UBASH3A: variants seen among roughly 807,000 people sequenced by gnomAD.
UBASH3A encodes ubiquitin-associated and SH3 domain-containing protein A.
Under a neutral mutation model 73.5 loss-of-function variants are expected in UBASH3A, and 63 were observed. That is an observed-to-expected ratio of 0.86 (90% CI 0.70 to 1.06). UBASH3A has a LOEUF of 1.06. Ranked by LOEUF, UBASH3A falls within the 50% of genes least tolerant of loss-of-function variation. The pLI is 0.00. For missense variants in UBASH3A, 860 were observed against 859.0 expected, an observed-to-expected ratio of 1.00 and a Z score of -0.02; for synonymous variants, 363 against 351.1, an observed-to-expected ratio of 1.03 and a Z score of -0.38.
At position 42,413,254 on chromosome 21, in the gene UBASH3A, G is replaced by A; in HGVS notation, c.553+32G>A. On this transcript the variant is annotated intron_variant, in intron 4 of 14. Coordinates refer to ENST00000319294, the MANE Select transcript of UBASH3A (RefSeq NM_018961.4). The surrounding 1 kb of genome is among the most constrained non-coding windows in gnomAD (Gnocchi z 4.5). ...AGCCCTGGCCAGTTGCAAACACAGG[G>A]CTGGATTCACAGTGAGTGAGCCCTC... 4 of 1,612,282 alleles carry A rather than the reference G, an allele frequency of 2.5e-6. No homozygotes were observed. The highest frequency in any genetic ancestry group is 3.4e-6 in the Non-Finnish European group (4 of 1,178,540).
chr21:42,427,239 C>A (rs925040738), intron 8 of UBASH3A, among the ~76,000 whole-genome samples: 1 of 152,214 alleles, frequency 6.6e-6, no homozygotes, highest in Non-Finnish European at 1.5e-5. Flanking sequence ...GCACCCCGAG[C>A]TGGCCACCCT....
In UBASH3A at chr21:42,432,275, C is replaced by A; in HGVS notation, c.1270+73C>A. 7.0e-6 allele frequency: 7 copies of A among 994,176 alleles called. No individual in the cohort carries two copies. In the South Asian group the frequency reaches 9.9e-5, roughly 14 times the overall value. The allele number at this position is 994,176 out of a possible 1,614,324, so 61.6% of individuals were successfully genotyped here. A position where few individuals can be genotyped will look rare whatever the true frequency, so the allele number is the denominator to read the frequency against. Reference sequence around the variant, plus strand: ...ACCAATGAGATCTCCTTCTTAATGACCTTACATGGCACCAGATCCCCTGAG... The same window carrying A: ...ACCAATGAGATCTCCTTCTTAATGAACTTACATGGCACCAGATCCCCTGAG... On this transcript the variant is annotated intron_variant, in intron 9 of 14. Transcript: ENST00000319294.
At chr21:42,440,538 C>T (rs1414395448) in intron 11 of UBASH3A, among the ~76,000 whole-genome samples, 2 of 152,200 alleles carry the variant, frequency 1.3e-5, no homozygotes, top group African/African-American at 4.8e-5. Flanking sequence ...GTCTTTGCAC[C>T]CCACCACTCA....
chr21:42,411,937 C>T (rs546656524), intron 3 of UBASH3A, among the ~76,000 whole-genome samples: 1 of 152,292 alleles, frequency 6.6e-6, no homozygotes, highest in Non-Finnish European at 1.5e-5. Context: ...GAATGTCAGG[C>T]CGGCCTGTCC....
intron 7 of UBASH3A, among the ~76,000 whole-genome samples, chr21:42,419,822 C>T (rs183686194): frequency 3.9e-5 from 6 of 152,296 alleles, no homozygotes; most frequent in East Asian, 1.9e-4. Context: ...CAACATTCAA[C>T]GAATTACATG....
intron 3 of UBASH3A, chr21:42,410,574 GA>G (rs2053070424): frequency 1.4e-5 from 4 of 280,908 alleles, no homozygotes; most frequent in Non-Finnish European, 2.0e-5. Flanking sequence ...CAGAGCACAA[GA>G]CTAAACCTGG....
chr21:42,404,987 C>T (rs1051198936), intron 1 of UBASH3A, among the ~76,000 whole-genome samples: 31 of 152,100 alleles, frequency 2.0e-4, no homozygotes, highest in African/African-American at 7.0e-4. Context: ...GTATCAGAAA[C>T]ACACTTTAAA....
intron 11 of UBASH3A, among the ~76,000 whole-genome samples, chr21:42,438,162 C>T (rs1332791482): frequency 1.3e-5 from 2 of 152,200 alleles, no homozygotes; most frequent in Admixed American, 1.3e-4. Context: ...GGGATAAGAT[C>T]TCGGTCCCCA....
At position 42,441,898 on chromosome 21, in the gene UBASH3A, A is replaced by G. The variant is rs2053752734; in HGVS notation, c.1487-554A>G. Among the ~76,000 whole-genome samples, 3 of 152,190 alleles carry G rather than the reference A, an allele frequency of 2.0e-5. No homozygotes were observed. The South Asian group carries it at 6.2e-4, about 32-fold the overall frequency. Reference sequence around the variant, plus strand: ...ACTCAAAAAGAGATGGCCTTACTTTATGGCTCTTCCTTTAATCAAAATATA... The same window carrying G: ...ACTCAAAAAGAGATGGCCTTACTTTGTGGCTCTTCCTTTAATCAAAATATA... On this transcript the variant is annotated intron_variant, in intron 11 of 14. Transcript: ENST00000319294.
chr21:42,414,096 T>C (rs2053154970), intron 5 of UBASH3A, among the ~76,000 whole-genome samples: 1 of 152,202 alleles, frequency 6.6e-6, no homozygotes, highest in South Asian at 2.1e-4. Flanking sequence ...CATCCTGCCA[T>C]AGTTCCCGGG....
chr21:42,432,697 C>G (rs2053556883), intron 9 of UBASH3A, among the ~76,000 whole-genome samples: 1 of 152,194 alleles, frequency 6.6e-6, no homozygotes, highest in African/African-American at 2.4e-5. Flanking sequence ...TTCACAGTTG[C>G]TAGGTTAGCC....
rs746415775 is a variant in UBASH3A at position 42,413,501 on chromosome 21, G to A, written c.645G>A (p.Val215=). 53 of 1,613,846 alleles carry A rather than the reference G, an allele frequency of 3.3e-5. No homozygotes were observed. The highest frequency in any genetic ancestry group is 4.3e-5 in the Non-Finnish European group (51 of 1,179,862). ...RLSNLTRASF[V]SHYILQKYCS... is the part of the protein sequence containing the mutation. The stretch of plus-strand genomic sequence containing the variant: ...GCAATTTAACTAGAGCCTCCTTCGT[G>A]AGCCACTACATCCTTCAAAAATGTA... The change falls in exon 5 of 15, where the codon GTG becomes GTA. Residue 215 remains valine (V), a synonymous_variant. Coordinates refer to ENST00000319294, the MANE Select transcript of UBASH3A (RefSeq NM_018961.4). This position sits in a 1 kb window ranked among gnomAD's most constrained non-coding sequence, Gnocchi z 4.5.
intron 10 of UBASH3A, among the ~76,000 whole-genome samples, chr21:42,437,128 C>G (rs901856834): frequency 2.6e-5 from 4 of 152,244 alleles, no homozygotes; most frequent in Admixed American, 6.5e-5. Flanking sequence ...CATGTGGTCC[C>G]CTCCATCTTT....
chr21:42,442,491 C>T lies in UBASH3A; in HGVS notation c.1526C>T (p.Pro509Leu). The T allele has an allele frequency of 1.2e-6, 2 of 1,614,092 alleles. No individual in the cohort carries two copies. The highest frequency in any genetic ancestry group is 1.1e-5 in the South Asian group (1 of 91,066). ...AAAAAAATCAAGATACGAGTGGAACCTGGAATCTTTGAATGGACAAAATGG... is the reference window on the plus strand; with the variant it reads ...AAAAAAATCAAGATACGAGTGGAACTTGGAATCTTTGAATGGACAAAATGG... ...LEKKIKIRVE[P>L]GIFEWTKWEA... is the part of the protein sequence containing the mutation. The change falls in exon 12 of 15, where the codon CCT becomes CTT. Residue 509 changes from proline (P) to leucine (L), a missense_variant. By Grantham distance (98) the Pro-to-Leu change is moderately conservative (BLOSUM62 -3). Coordinates refer to ENST00000319294, the MANE Select transcript of UBASH3A (RefSeq NM_018961.4).
intron 14 of UBASH3A, 27 bp downstream of exon 14, chr21:42,444,670 G>A (rs370657760): frequency 3.4e-4 from 522 of 1,536,682 alleles, no homozygotes; most frequent in Non-Finnish European, 4.5e-4. Context: ...GGCTCTTTGG[G>A]CCACAAAATC....
intron 6 of UBASH3A, among the ~76,000 whole-genome samples, chr21:42,417,196 G>A (rs1354449798): frequency 6.6e-6 from 1 of 152,042 alleles, no homozygotes; most frequent in East Asian, 1.9e-4. Flanking sequence ...GCTGAGGCAG[G>A]TGGATCACTT....
chr21:42,432,058 T>C, intron 8 of UBASH3A, 45 bp from the exon 9 acceptor site: 1 of 1,252,260 alleles, frequency 8.0e-7, no homozygotes, highest in Non-Finnish European at 1.2e-6. Flanking sequence ...TCCAGTGAGT[T>C]GGATGTTAAA....
chr21:42,426,011 T>A (rs1209392309), intron 7 of UBASH3A, among the ~76,000 whole-genome samples: 2 of 151,242 alleles, frequency 1.3e-5, no homozygotes, highest in Non-Finnish European at 2.9e-5. Flanking sequence ...GAGAGAGAGA[T>A]CTAGTTGAAG....
At chr21:42,406,862 G>C (rs535095589) in intron 2 of UBASH3A, among the ~76,000 whole-genome samples, 1 of 152,302 alleles carries the variant, frequency 6.6e-6, no homozygotes, top group East Asian at 1.9e-4. Flanking sequence ...TGCCTACTAC[G>C]ATGGATAAGA....
Sources: gnomAD v4.1 joint callset for allele counts (sites outside exome capture counted in the v4.1 genomes callset) on GRCh38, gnomAD v4.1.1 for gene constraint, Gnocchi (gnomAD v3.1) non-coding constraint, MANE v1.5 for transcripts, NCBI Gene and HGNC (gene_info 2026-07-23, HGNC 2026-07-21) for gene names.